The following TPH2 variants were observed in gnomAD, a reference collection of about 807,000 sequenced individuals.
TPH2 encodes tryptophan hydroxylase 2.
TPH2 carries 27 observed loss-of-function variants against 59.1 expected under a neutral mutation model. The ratio of observed to expected loss-of-function variants is 0.46; its 90% CI spans 0.34 to 0.63. TPH2 has a LOEUF of 0.63. TPH2 is among the 30% of genes least tolerant of loss of function. The pLI, the probability that TPH2 is intolerant of heterozygous loss-of-function variation, is 0.01. For synonymous variants in TPH2, 220 were observed against 210.5 expected (o/e 1.05, Z -0.39); for missense variants, 523 against 588.3 (o/e 0.89, Z 1.15).
In TPH2 at chr12:71,944,398, T is replaced by G. The variant is rs780521084; in HGVS notation, c.360T>G (p.Asn120Lys). Residue 120 changes from asparagine (N) to lysine (K), a missense_variant, in exon 3 of 11, where the codon AAT becomes AAG. Asn to Lys is a moderately conservative substitution (Grantham distance 94, BLOSUM62 0). Transcript: ENST00000333850. ...VDCECGKTEF[N>K]ELIQLLKFQT... is the part of the protein sequence containing the mutation. ...GTGAGTGTGGGAAAACAGAATTCAA[T>G]GAGCTCATTCAGTTGCTGAAATTTC... 1.2e-5 allele frequency: 20 copies of G among 1,613,876 alleles called. No individual in the cohort carries two copies. Among genetic ancestry groups the G allele is most frequent in the East Asian group, 2.2e-5 (1 of 44,894 alleles).
intron 5 of TPH2, among the ~76,000 whole-genome samples, chr12:71,960,583 G>C (rs774895363): frequency 6.6e-6 from 1 of 152,192 alleles, no homozygotes; most frequent in African/African-American, 2.4e-5. Context: ...TTTGGAAAAG[G>C]TTTCTCCTTT....
intron 8 of TPH2, among the ~76,000 whole-genome samples, chr12:72,015,827 G>A (rs775576857): frequency 6.6e-6 from 1 of 152,236 alleles, no homozygotes; most frequent in Non-Finnish European, 1.5e-5. Context: ...TGAAGAAGTG[G>A]CAGTGGTGGG....
chr12:72,031,153 C>A, intron 9 of TPH2, 105 bp from the exon 10 acceptor site: 1 of 1,448,934 alleles, frequency 6.9e-7, no homozygotes. Flanking sequence ...AACTGAGCAG[C>A]TCTGTAGGAT....
intron 5 of TPH2, among the ~76,000 whole-genome samples, chr12:71,950,148 C>A (rs560525446): frequency 2.6e-5 from 4 of 152,190 alleles, no homozygotes; most frequent in African/African-American, 9.7e-5. Flanking sequence ...GTTTCACACC[C>A]ATTCCCAGAT....
intron 7 of TPH2, 106 bp downstream of exon 7, chr12:71,979,193 G>A: frequency 6.9e-7 from 1 of 1,445,234 alleles, no homozygotes; most frequent in Non-Finnish European, 9.7e-7. Flanking sequence ...TAATTTCCTT[G>A]AGCTAGTGAG....
intron 5 of TPH2, among the ~76,000 whole-genome samples, chr12:71,959,075 T>TTC (rs76519674): frequency 6.6e-6 from 1 of 151,428 alleles, no homozygotes; most frequent in Non-Finnish European, 1.5e-5. Context: ...TTTTTTTTTT[T>TTC]TACCCTCCTC....
rs1873746799 is a variant in TPH2 at position 72,032,370 on chromosome 12, A to G, written c.*675A>G. 6.5e-6 allele frequency: 1 copy of G among 153,836 alleles called. No homozygotes were observed. Among genetic ancestry groups the G allele is most frequent in the Admixed American group, 6.4e-5 (1 of 15,582 alleles). The allele number at this position is 153,836 out of a possible 1,614,324, so 9.5% of individuals were successfully genotyped here. On this transcript the variant is annotated 3_prime_UTR_variant, in exon 11 of 11. Coordinates refer to ENST00000333850, the MANE Select transcript of TPH2 (RefSeq NM_173353.4). ...TAGTACTTCCGGAAAGGACATTAGG[A>G]AAGACTAAACAGTGGACAATCAATC...
chr12:71,939,394 C>CAAA, intron 1 of TPH2, among the ~76,000 whole-genome samples: 1 of 19,636 alleles, frequency 5.1e-5, no homozygotes, highest in African/African-American at 1.6e-4. Flanking sequence ...AAATCTACAG[C>CAAA]CAAAAAAAAA....
intron 4 of TPH2, among the ~76,000 whole-genome samples, chr12:71,948,576 G>A (rs1024475769): frequency 6.6e-6 from 1 of 152,194 alleles, no homozygotes; most frequent in Non-Finnish European, 1.5e-5. Flanking sequence ...TTGCAGAGCT[G>A]TCTTAGGTTC....
chr12:71,968,472 T>TGTCCAGGCTCCCCGTGGTACACCATCC (rs1399209358), intron 5 of TPH2, among the ~76,000 whole-genome samples: 12 of 152,100 alleles, frequency 7.9e-5, no homozygotes, highest in African/African-American at 2.4e-4. Context: ...AGAGGACGTA[T>TGTCCAGGCTCCCCGTGGTACACCATCC]GTCCAGGCTC....
chr12:71,994,091 C>G (rs1482749485), intron 7 of TPH2, among the ~76,000 whole-genome samples: 2 of 152,180 alleles, frequency 1.3e-5, no homozygotes, highest in Non-Finnish European at 2.9e-5. Context: ...TCTACAGGAT[C>G]CTGTGCTAAC....
chr12:72,019,924 C>G (rs549852971), intron 8 of TPH2, among the ~76,000 whole-genome samples: 1 of 152,312 alleles, frequency 6.6e-6, no homozygotes, highest in South Asian at 2.1e-4. Context: ...AAGCAGGGCT[C>G]AGACTAGAAC....
chr12:71,956,310 G>A (rs1333696041), intron 5 of TPH2, among the ~76,000 whole-genome samples: 1 of 152,172 alleles, frequency 6.6e-6, no homozygotes, highest in East Asian at 1.9e-4. Context: ...ACTGTGGGAA[G>A]GGATTACACA....
chr12:72,008,085 C>A (rs1009448040), intron 8 of TPH2, among the ~76,000 whole-genome samples: 1 of 152,108 alleles, frequency 6.6e-6, no homozygotes, highest in South Asian at 2.1e-4. Context: ...TGAACAGGGA[C>A]TTTATAGCTT....
intron 8 of TPH2, among the ~76,000 whole-genome samples, chr12:72,019,437 C>G (rs1285333024): frequency 6.6e-6 from 1 of 152,186 alleles, no homozygotes; most frequent in Admixed American, 6.5e-5. Flanking sequence ...GCTGTCCCCC[C>G]TTCTAGGAAC....
intron 6 of TPH2, among the ~76,000 whole-genome samples, chr12:71,974,536 T>C (rs199548373): frequency 5.3e-5 from 2 of 37,626 alleles, no homozygotes; most frequent in Non-Finnish European, 1.6e-4. Context: ...ATAAGGACTC[T>C]TATGATTATA....
chr12:71,982,147 G>A (rs1872302202), intron 7 of TPH2, among the ~76,000 whole-genome samples: 1 of 151,246 alleles, frequency 6.6e-6, no homozygotes, highest in South Asian at 2.1e-4. Context: ...GGGGTTACAG[G>A]CGTGCAACAC....
intron 5 of TPH2, among the ~76,000 whole-genome samples, chr12:71,960,866 C>T (rs950798332): frequency 6.6e-6 from 1 of 152,184 alleles, no homozygotes; most frequent in Admixed American, 6.5e-5. Context: ...TTATATGGAA[C>T]AGTGCTGTTT....
chr12:71,997,555 G>A (rs1872724600), intron 8 of TPH2, among the ~76,000 whole-genome samples: 1 of 152,100 alleles, frequency 6.6e-6, no homozygotes, highest in Admixed American at 6.6e-5. Context: ...TCTTGGCCTT[G>A]GGTTGCTTGA....
Sources: gnomAD v4.1 joint callset for allele counts (sites outside exome capture counted in the v4.1 genomes callset) on GRCh38, gnomAD v4.1.1 for gene constraint, MANE v1.5 for transcripts, NCBI Gene and HGNC (gene_info 2026-07-23, HGNC 2026-07-21) for gene names.